Variants in SCAPER observed in about 807,000 individuals in gnomAD.
The protein encoded by SCAPER is S phase cyclin A-associated protein in the endoplasmic reticulum.
A neutral mutation model predicts 182.2 loss-of-function variants in SCAPER; 98 were observed. The observed-to-expected ratio is 0.54, with a 90% CI of 0.46 to 0.64. The LOEUF is 0.64. Among genes scored for constraint, SCAPER ranks in the 30% least tolerant of loss-of-function variants. The probability of loss-of-function intolerance (pLI) is 0.00; values close to 1 mark genes in which losing one functional copy is unlikely to be tolerated. For missense variants in SCAPER, 1,432 were observed against 1,690.0 expected, an observed-to-expected ratio of 0.85 and a Z score of 2.68; for synonymous variants, 605 against 564.6, an observed-to-expected ratio of 1.07 and a Z score of -1.01.
At chr15:76,393,398 A>G (rs886336325) in intron 27 of SCAPER, among the ~76,000 whole-genome samples, 4 of 152,210 alleles carry the variant, frequency 2.6e-5, no homozygotes, top group African/African-American at 4.8e-5. Flanking sequence ...TTCATTGCCT[A>G]TCTCCCAATA....
intron 2 of SCAPER, among the ~76,000 whole-genome samples, chr15:76,871,408 CA>C (rs1220368116): frequency 0.11 from 7,589 of 67,820 alleles, 155 homozygotes; most frequent in Middle Eastern, 0.22. Context: ...GACTCCATCT[CA>C]AAAAAAAAAA....
At chr15:76,604,150 G>T (rs2050150651) in intron 22 of SCAPER, among the ~76,000 whole-genome samples, 1 of 120,058 alleles carries the variant, frequency 8.3e-6, no homozygotes, top group African/African-American at 2.5e-5. Flanking sequence ...GGGTTTTTAT[G>T]GTTTTAGGTC....
At chr15:76,591,953 G>C (rs893856778) in intron 22 of SCAPER, among the ~76,000 whole-genome samples, 1 of 152,078 alleles carries the variant, frequency 6.6e-6, no homozygotes, top group Non-Finnish European at 1.5e-5. Flanking sequence ...CCAGCTACTT[G>C]GGGGGCTGAG....
intron 17 of SCAPER, among the ~76,000 whole-genome samples, chr15:76,708,489 A>T (rs2059390077): frequency 6.6e-6 from 1 of 152,100 alleles, no homozygotes; most frequent in Non-Finnish European, 1.5e-5. Context: ...AAAAACAAAA[A>T]AGAAAAAAGA....
At chr15:76,822,740 T>C (rs1314916703) in intron 5 of SCAPER, among the ~76,000 whole-genome samples, 1 of 152,172 alleles carries the variant, frequency 6.6e-6, no homozygotes, top group Non-Finnish European at 1.5e-5. Flanking sequence ...TTGGTACTGA[T>C]CACTGATGCA....
chr15:76,609,325 T>TA (rs577590084), intron 22 of SCAPER, among the ~76,000 whole-genome samples: 12,218 of 143,158 alleles, frequency 0.085, 577 homozygotes, highest in South Asian at 0.11. Context: ...TCTTTTCTCT[T>TA]AAAAAAAAAA....
At chr15:76,580,747 T>A (rs1167369450) in intron 22 of SCAPER, among the ~76,000 whole-genome samples, 1 of 151,968 alleles carries the variant, frequency 6.6e-6, no homozygotes, top group Non-Finnish European at 1.5e-5. Flanking sequence ...TAGCTACATC[T>A]TAAAGAACGA....
rs114407736 is a variant in SCAPER, at chr15:76,735,840, C to A, written c.1867-2456G>T. Among the ~76,000 whole-genome samples, 1,239 of 150,504 alleles carry A rather than the reference C, an allele frequency of 8.2e-3. 12 individuals carry two copies. Among genetic ancestry groups the A allele is most frequent in the African/African-American group, 0.029 (1,175 of 40,796 alleles). On this transcript the variant is annotated intron_variant, in intron 15 of 31. Coordinates refer to ENST00000563290, the MANE Select transcript of SCAPER (RefSeq NM_020843.4). ...AAGAAGCAAAGGAAAGATGATAAAA[C>A]AACATACAGTAGTATGTCCTTATCC...
At chr15:76,472,831 G>A (rs969355189) in intron 24 of SCAPER, among the ~76,000 whole-genome samples, 1 of 152,144 alleles carries the variant, frequency 6.6e-6, no homozygotes, top group East Asian at 1.9e-4. Context: ...ATGACTCTGA[G>A]ACATGTAGCC....
At chr15:76,559,874 T>C (rs973160274) in intron 23 of SCAPER, among the ~76,000 whole-genome samples, 7 of 152,164 alleles carry the variant, frequency 4.6e-5, no homozygotes, top group African/African-American at 7.2e-5. Flanking sequence ...CCTGCATATA[T>C]GCCCCTAAAA....
intron 27 of SCAPER, among the ~76,000 whole-genome samples, chr15:76,391,829 A>G (rs1168502052): frequency 2.6e-5 from 4 of 152,250 alleles, no homozygotes; most frequent in South Asian, 2.1e-4. Context: ...ACAAGGAAAG[A>G]GAAATAATGA....
chr15:76,727,053 GA>G (rs34611688), intron 17 of SCAPER, among the ~76,000 whole-genome samples: 3 of 150,982 alleles, frequency 2.0e-5, no homozygotes, highest in Non-Finnish European at 4.4e-5. Flanking sequence ...ATCCTTTATA[GA>G]AAAAAAAATT....
chr15:76,600,935 C>A (rs549253992), intron 22 of SCAPER, among the ~76,000 whole-genome samples: 1 of 120,396 alleles, frequency 8.3e-6, no homozygotes, highest in African/African-American at 2.5e-5. Context: ...CATTTTAAAG[C>A]AATTTTTGGA....
intron 24 of SCAPER, among the ~76,000 whole-genome samples, chr15:76,486,237 C>T (rs1157569473): frequency 6.6e-6 from 1 of 151,716 alleles, no homozygotes; most frequent in East Asian, 1.9e-4. Context: ...AACAAATACC[C>T]AAAAACCAAA....
At chr15:76,458,028 G>T (rs2048871103) in intron 25 of SCAPER, among the ~76,000 whole-genome samples, 1 of 151,624 alleles carries the variant, frequency 6.6e-6, no homozygotes, top group South Asian at 2.1e-4. Flanking sequence ...ATTCTTGAAG[G>T]ATATTTTGAT....
intron 23 of SCAPER, among the ~76,000 whole-genome samples, chr15:76,533,707 T>G (rs2043880077): frequency 7.6e-6 from 1 of 131,078 alleles, no homozygotes; most frequent in African/African-American, 3.4e-5. Context: ...AGTAAATAAT[T>G]GAGTAAATGC....
chr15:76,709,822 T>C (rs1398572473), intron 17 of SCAPER, among the ~76,000 whole-genome samples: 2 of 152,206 alleles, frequency 1.3e-5, no homozygotes, highest in Non-Finnish European at 2.9e-5. Flanking sequence ...TTGTATATCA[T>C]GACAAAGTGG....
chr15:76,769,492 A>G (rs2063328521), intron 10 of SCAPER, among the ~76,000 whole-genome samples: 1 of 152,006 alleles, frequency 6.6e-6, no homozygotes, highest in Non-Finnish European at 1.5e-5. Context: ...CAACCCCATC[A>G]AAAAGTGGGC....
At chr15:76,758,075 C>T (rs1054364659) in intron 14 of SCAPER, among the ~76,000 whole-genome samples, 3 of 151,878 alleles carry the variant, frequency 2.0e-5, no homozygotes, top group Non-Finnish European at 4.4e-5. Flanking sequence ...TTTTCATTTG[C>T]TCTATAGGTT....
Sources: gnomAD v4.1 joint callset for allele counts (sites outside exome capture counted in the v4.1 genomes callset) on GRCh38, gnomAD v4.1.1 for gene constraint, MANE v1.5 for transcripts, NCBI Gene and HGNC (gene_info 2026-07-23, HGNC 2026-07-21) for gene names.